The following C5 variants were observed in gnomAD, a reference collection of about 807,000 sequenced individuals.
The protein encoded by C5 is complement C5.
In C5, 140 loss-of-function variants were observed where a neutral mutation model predicts 218.8. That is an observed-to-expected ratio of 0.64 (90% confidence interval 0.56 to 0.74). The LOEUF (loss-of-function observed/expected upper bound fraction) is 0.74, where lower values mean the gene tolerates loss of function less well. C5 is among the 30% of genes least tolerant of loss of function. The pLI is 0.00. For synonymous variants in C5, 614 were observed against 682.3 expected, an observed-to-expected ratio of 0.90 and a Z score of 1.56; for missense variants, 1,700 against 1,969.6, an observed-to-expected ratio of 0.86 and a Z score of 2.59.
rs1314187471 is a variant in C5, at chr9:120,974,875, G to A, written c.3921C>T (p.Leu1307=). The change falls in exon 30 of 41, where the codon CTC becomes CTT. Residue 1307 remains leucine, a synonymous_variant. Transcript: ENST00000223642. ...LTEYSLLVKQ[L]RLSMDIDVSY... ...AAACATCGATGTCCATACTCAAGCGGAGTTGTTTAACCAGGAGTGAATATT... is the reference window on the plus strand; with the variant it reads ...AAACATCGATGTCCATACTCAAGCGAAGTTGTTTAACCAGGAGTGAATATT... 1.9e-6 allele frequency: 3 copies of A among 1,614,106 alleles called. No individual in the cohort carries two copies. Among genetic ancestry groups the A allele is most frequent in the Non-Finnish European group, 2.5e-6 (3 of 1,179,926 alleles).
chr9:121,002,374 T>G (rs1032481539), intron 20 of C5, among the ~76,000 whole-genome samples: 1 of 145,808 alleles, frequency 6.9e-6, no homozygotes, highest in Non-Finnish European at 1.5e-5. Context: ...ATTTTATATG[T>G]CTAAGACTAG....
chr9:121,018,665 AGGAAG>A (rs1564153820), intron 12 of C5, among the ~76,000 whole-genome samples: 27 of 125,670 alleles, frequency 2.1e-4, no homozygotes, highest in South Asian at 6.7e-4. Flanking sequence ...GAAAGAAGGA[AGGAAG>A]GAAGGAAAGA....
the C5 span, among the ~76,000 whole-genome samples, chr9:121,065,843 A>C: frequency 6.6e-6 from 1 of 152,172 alleles, no homozygotes; most frequent in African/African-American, 2.4e-5. Context: ...GGTAAAGAAG[A>C]AGGATATACC....
chr9:120,998,439 TTTTTCA>T (rs1263488683), intron 20 of C5, among the ~76,000 whole-genome samples: 1 of 152,262 alleles, frequency 6.6e-6, no homozygotes, highest in Non-Finnish European at 1.5e-5. Flanking sequence ...GCTCAGGTAC[TTTTTCA>T]TTTTCATCTT....
intron 31 of C5, among the ~76,000 whole-genome samples, chr9:120,970,496 T>C (rs2046902839): frequency 6.6e-6 from 1 of 152,178 alleles, no homozygotes; most frequent in Non-Finnish European, 1.5e-5. Context: ...TGGTCTAAAT[T>C]CCATGCAGTC....
Position 120,974,674 on chromosome 9 carries a change from A to AT in C5, c.4017+104dup. On this transcript the variant is annotated intron_variant, in intron 30 of 40. Transcript: ENST00000223642. ...GTTTAGGACATAGCTGACACTCAAT[A>AT]TATGTTTAAGTAGTGAAGAGATAGA... 7 of 1,078,418 alleles carry AT rather than the reference A, an allele frequency of 6.5e-6. No individual in the cohort carries two copies. In the South Asian group the frequency reaches 7.6e-5, roughly 12 times the overall value. 66.8% of individuals were successfully genotyped at this position (1,078,418 alleles called of 1,614,324 possible). A position where few individuals can be genotyped will look rare whatever the true frequency, so the allele number is the denominator to read the frequency against.
chr9:121,038,953 C>A (rs1037088772), intron 3 of C5, among the ~76,000 whole-genome samples: 3 of 152,170 alleles, frequency 2.0e-5, no homozygotes, highest in African/African-American at 7.2e-5. Flanking sequence ...CAGTCTAGGC[C>A]TGAGTATCAC....
intron 25 of C5, among the ~76,000 whole-genome samples, chr9:120,987,270 G>A (rs1199328605): frequency 1.3e-5 from 2 of 151,982 alleles, no homozygotes; most frequent in Non-Finnish European, 2.9e-5. Context: ...GGAAATCATG[G>A]GCAATAATGA....
At position 121,034,836 on chromosome 9, in the gene C5, G is replaced by A. The variant is rs1254646813; in HGVS notation, c.551C>T (p.Ser184Phe). The A allele has an allele frequency of 6.3e-7, 1 of 1,589,586 alleles. No individual in the cohort carries two copies. Among genetic ancestry groups the A allele is most frequent in the Non-Finnish European group, 8.6e-7 (1 of 1,158,648 alleles). The change falls in exon 5 of 41, where the codon TCT becomes TTT. Residue 184 changes from serine (S) to phenylalanine (F), a missense_variant. Ser to Phe is a radical substitution (Grantham distance 155). Transcript: ENST00000223642. Reference sequence around the variant, plus strand: ...AGACGGAATCTTGAAGTCAGGAAAAGAGATAATTCCAATATGATCAATTTC... The same window carrying A: ...AGACGGAATCTTGAAGTCAGGAAAAAAGATAATTCCAATATGATCAATTTC... ...VEEIDHIGII[S>F]FPDFKIPSNP...
At chr9:120,992,804 T>C (rs1042643206) in intron 22 of C5, among the ~76,000 whole-genome samples, 5 of 152,074 alleles carry the variant, frequency 3.3e-5, no homozygotes, top group Admixed American at 6.6e-5. Flanking sequence ...GAACTAAGAG[T>C]AGAGAAAGAC....
chr9:121,031,196 T>C (rs2047471065), intron 6 of C5, among the ~76,000 whole-genome samples: 1 of 152,154 alleles, frequency 6.6e-6, no homozygotes, highest in Admixed American at 6.6e-5. Flanking sequence ...TTAAATTTGA[T>C]AGCAGAGCAC....
chr9:121,065,606 C>T, the C5 span, among the ~76,000 whole-genome samples: 4 of 152,202 alleles, frequency 2.6e-5, no homozygotes, highest in Non-Finnish European at 4.4e-5. Context: ...CCAACTCAGC[C>T]TCCAGAGTAA....
At chr9:121,041,494 A>G (rs2047580559) in intron 3 of C5, among the ~76,000 whole-genome samples, 1 of 151,540 alleles carries the variant, frequency 6.6e-6, no homozygotes, top group South Asian at 2.1e-4. Context: ...TAGTAGAGAC[A>G]GGGTTTCACC....
At chr9:120,973,852 G>A (rs41312851) in intron 30 of C5, among the ~76,000 whole-genome samples, 4,710 of 151,992 alleles carry the variant, frequency 0.031, 249 homozygotes, top group African/African-American at 0.11. Context: ...GGTGGCAGGC[G>A]CCTATAATCC....
the C5 span, among the ~76,000 whole-genome samples, chr9:121,067,876 T>C: frequency 2.6e-5 from 4 of 152,168 alleles, no homozygotes; most frequent in Non-Finnish European, 5.9e-5. Context: ...TCCCCAGCCA[T>C]GTGAAACTGT....
Position 121,030,462 on chromosome 9 carries a change from G to A in C5, c.693C>T (p.Ile231=), listed in dbSNP as rs763915627. 8.4e-6 allele frequency: 13 copies of A among 1,547,244 alleles called. No homozygotes were observed. Among genetic ancestry groups the A allele is most frequent in the Admixed American group, 3.9e-5 (2 of 51,716 alleles). Residue 231 remains isoleucine (I), a synonymous_variant, in exon 7 of 41, where the codon ATC becomes ATT. Transcript: ENST00000223642. ...AACCAATGAAATTATATTCTGGCTC[G>A]ATTGAGACAGAAAAATGTGGCAAGA... ...EYVLPHFSVS[I]EPEYNFIGYK...
At chr9:120,970,817 A>T (rs926851073) in intron 31 of C5, among the ~76,000 whole-genome samples, 4 of 152,258 alleles carry the variant, frequency 2.6e-5, no homozygotes, top group Admixed American at 2.6e-4. Context: ...ATAGGATGTT[A>T]ATTTATGCTC....
chr9:120,959,306 T>A (rs1334391671), intron 38 of C5, among the ~76,000 whole-genome samples: 1 of 151,428 alleles, frequency 6.6e-6, no homozygotes, highest in Non-Finnish European at 1.5e-5. Flanking sequence ...TTGCCCAGAC[T>A]GGAGCGCAGT....
At chr9:121,033,739 A>C (rs183701593) in intron 5 of C5, among the ~76,000 whole-genome samples, 2 of 152,380 alleles carry the variant, frequency 1.3e-5, no homozygotes, top group Admixed American at 6.5e-5. Context: ...AATTTCAGTC[A>C]GCGAATTAAC....
Sources: gnomAD v4.1 joint callset for allele counts (sites outside exome capture counted in the v4.1 genomes callset) on GRCh38, gnomAD v4.1.1 for gene constraint, MANE v1.5 for transcripts, NCBI Gene and HGNC (gene_info 2026-07-23, HGNC 2026-07-21) for gene names.